Variants in LPCAT2 observed in about 807,000 individuals in gnomAD.
The protein encoded by LPCAT2 is 1-AGP acyltransferase 11.
A neutral mutation model predicts 64.7 loss-of-function variants in LPCAT2; 58 were observed. That is an observed-to-expected ratio of 0.90 (90% confidence interval 0.73 to 1.12). The LOEUF (loss-of-function observed/expected upper bound fraction) is 1.12. Ranked by LOEUF, LPCAT2 falls within the 50% of genes most tolerant of loss-of-function variation. LPCAT2 has a pLI of 0.00. For synonymous variants in LPCAT2, 252 were observed against 245.3 expected, an observed-to-expected ratio of 1.03 and a Z score of -0.26; for missense variants, 579 against 669.8, an observed-to-expected ratio of 0.86 and a Z score of 1.50.
chr16:55,525,513 C>A lies in LPCAT2; in HGVS notation c.177C>A (p.Val59=). 1 of 1,602,948 alleles carries A rather than the reference C, an allele frequency of 6.2e-7. No individual in the cohort carries two copies. The highest frequency in any genetic ancestry group is 8.5e-7 in the Non-Finnish European group (1 of 1,175,822). ...TTACCAACTTTGACTTTCAGATTGT[C>A]CTTCTTGGGATTATCTTGCTTCCAA... The part of the protein sequence containing the change: ...QIGSARRVQI[V]LLGIILLPIR... The change falls in exon 2 of 14, where the codon GTC becomes GTA. Residue 59 remains valine, a synonymous_variant. Transcript: ENST00000262134.
intron 11 of LPCAT2, among the ~76,000 whole-genome samples, chr16:55,565,583 A>G (rs1963685496): frequency 2.6e-5 from 4 of 152,160 alleles, no homozygotes; most frequent in Admixed American, 2.6e-4. Context: ...AATTATGCTC[A>G]TTGAAATAAG....
rs1265875707 is a variant in LPCAT2 at position 55,583,090 on chromosome 16, G to C, written c.1627G>C (p.Asp543His). The change falls in exon 14 of 14, where the codon GAT becomes CAT. Residue 543 changes from aspartate (D) to histidine (H), a missense_variant. By Grantham distance (81) the Asp-to-His change is moderately conservative (BLOSUM62 -1). Coordinates refer to ENST00000262134, the MANE Select transcript of LPCAT2 (RefSeq NM_017839.5). ...KHEESTSDKK[D>H]D is the part of the protein sequence containing the mutation. ...TGAAGAGAGTACCTCAGACAAAAAA[G>C]ATGACTGAAAGCAGTATTTCCAATA... 6.2e-7 allele frequency: 1 copy of C among 1,611,586 alleles called. No homozygotes were observed. The highest frequency in any genetic ancestry group is 2.2e-5 in the East Asian group (1 of 44,808).
At chr16:55,530,499 G>GGGGGGGGGGGGGGGC (rs1963238894) in intron 4 of LPCAT2, among the ~76,000 whole-genome samples, 1 of 151,016 alleles carries the variant, frequency 6.6e-6, no homozygotes, top group Non-Finnish European at 1.5e-5. Context: ...GGGTGGGGGG[G>GGGGGGGGGGGGGGGC]GGGTAACATT....
chr16:55,533,516 TTCTC>T (rs1963283423), intron 6 of LPCAT2, among the ~76,000 whole-genome samples: 1 of 150,728 alleles, frequency 6.6e-6, no homozygotes, highest in African/African-American at 2.5e-5. Flanking sequence ...GTTCAAGTGA[TTCTC>T]TCCTTTCTCA....
rs552260267 is a variant in LPCAT2, at chr16:55,534,562, A to G, written c.797+85A>G. On this transcript the variant is annotated intron_variant, in intron 7 of 13. Coordinates refer to ENST00000262134, the MANE Select transcript of LPCAT2 (RefSeq NM_017839.5). ...AGATCATTTATTCATTCTTTAAAAAAGTATTATTTTAAAAATATTGTTATA... is the reference window on the plus strand; with the variant it reads ...AGATCATTTATTCATTCTTTAAAAAGGTATTATTTTAAAAATATTGTTATA... The G allele has an allele frequency of 1.2e-5, 8 of 656,146 alleles. No individual in the cohort carries two copies. The East Asian group carries it at 1.6e-4, about 13-fold the overall frequency. 40.6% of individuals were successfully genotyped at this position (656,146 alleles called of 1,614,324 possible).
intron 12 of LPCAT2, among the ~76,000 whole-genome samples, chr16:55,577,666 T>C (rs1475641645): frequency 1.3e-5 from 2 of 152,160 alleles, no homozygotes; most frequent in Non-Finnish European, 2.9e-5. Context: ...GTATGGAATA[T>C]TAATTATCCA....
intron 8 of LPCAT2, among the ~76,000 whole-genome samples, chr16:55,537,852 G>C (rs1417062898): frequency 1.3e-5 from 2 of 152,162 alleles, no homozygotes; most frequent in African/African-American, 4.8e-5. Context: ...TGGCCAGAGG[G>C]GCATCACCTT....
At chr16:55,578,725 T>C (rs1963856441) in intron 12 of LPCAT2, among the ~76,000 whole-genome samples, 2 of 152,206 alleles carry the variant, frequency 1.3e-5, no homozygotes, top group South Asian at 4.1e-4. Context: ...TGTTTGTCTC[T>C]ATCTCCTGAC....
chr16:55,528,345 G>A (rs837549), intron 2 of LPCAT2, 32 bp from the exon 3 acceptor site: 1,554,830 of 1,563,566 alleles, frequency 0.99, 773,480 homozygotes, highest in East Asian at 1. Context: ...TTAATTAACA[G>A]AGCTAATTAC....
At chr16:55,577,049 G>T (rs768259) in intron 12 of LPCAT2, among the ~76,000 whole-genome samples, 83,034 of 151,966 alleles carry the variant, frequency 0.55, 23,117 homozygotes, top group East Asian at 0.73. Context: ...GAGGGAGCTA[G>T]GACTGAGTCC....
At chr16:55,532,177 C>T in intron 5 of LPCAT2, 1 of 510,686 alleles carries the variant, frequency 2.0e-6, no homozygotes, top group South Asian at 2.3e-5. Context: ...CTTGGAGTGT[C>T]CACTCCATGC....
chr16:55,509,497 G>C, intron 1 of LPCAT2, 145 bp downstream of exon 1: 1 of 882,924 alleles, frequency 1.1e-6, no homozygotes, highest in Non-Finnish European at 1.5e-6. Flanking sequence ...AGGCGGGCGA[G>C]AGTCTGAGGA....
intron 11 of LPCAT2, among the ~76,000 whole-genome samples, chr16:55,569,679 A>G (rs1266637396): frequency 6.6e-6 from 1 of 152,160 alleles, no homozygotes; most frequent in Non-Finnish European, 1.5e-5. Context: ...CAGCATGCTC[A>G]TGGAAAAACA....
intron 1 of LPCAT2, among the ~76,000 whole-genome samples, chr16:55,518,192 G>A (rs1018755612): frequency 6.6e-6 from 1 of 152,092 alleles, no homozygotes; most frequent in Non-Finnish European, 1.5e-5. Context: ...ATTTAATTTA[G>A]CATCAAAAAG....
chr16:55,579,382 A>G, intron 13 of LPCAT2, 138 bp downstream of exon 13: 1 of 794,580 alleles, frequency 1.3e-6, no homozygotes. Context: ...CCACAGTAAT[A>G]ATAGTAGTAA....
intron 8 of LPCAT2, chr16:55,540,812 T>G (rs1435679254): frequency 5.6e-6 from 1 of 178,114 alleles, no homozygotes; most frequent in Non-Finnish European, 1.2e-5. Context: ...ATATACTAAC[T>G]TTTGTCCTAA....
At position 55,583,840 on chromosome 16, in the gene LPCAT2, A is replaced by T. The variant is rs1215336467; in HGVS notation, c.*742A>T. The T allele has an allele frequency of 6.6e-6, 1 of 151,924 alleles. No individual in the cohort carries two copies. The highest frequency in any genetic ancestry group is 1.5e-5 in the Non-Finnish European group (1 of 67,996). 9.4% of individuals were successfully genotyped at this position (151,924 alleles called of 1,614,324 possible). ...TGGGATTACAGGTGCCCACCACCACACCCGACTAATTTTTGTATTTTTAGT... is the reference window on the plus strand; with the variant it reads ...TGGGATTACAGGTGCCCACCACCACTCCCGACTAATTTTTGTATTTTTAGT... On this transcript the variant is annotated 3_prime_UTR_variant, in exon 14 of 14. Transcript: ENST00000262134.
At chr16:55,576,721 C>A (rs1391965030) in intron 12 of LPCAT2, among the ~76,000 whole-genome samples, 1 of 152,094 alleles carries the variant, frequency 6.6e-6, no homozygotes, top group Non-Finnish European at 1.5e-5. Flanking sequence ...AGATATCAGT[C>A]CCCATTTCAA....
At chr16:55,531,443 AC>A (rs1173920330) in intron 4 of LPCAT2, among the ~76,000 whole-genome samples, 2 of 152,188 alleles carry the variant, frequency 1.3e-5, no homozygotes, top group Non-Finnish European at 2.9e-5. Context: ...ATTCAAGTAA[AC>A]ATGAAGCACA....
Sources: gnomAD v4.1 joint callset for allele counts (sites outside exome capture counted in the v4.1 genomes callset) on GRCh38, gnomAD v4.1.1 for gene constraint, MANE v1.5 for transcripts, NCBI Gene and HGNC (gene_info 2026-07-23, HGNC 2026-07-21) for gene names.